WDR70: variants seen among roughly 807,000 people sequenced by gnomAD.
WDR70 encodes the protein WD repeat domain 70, also known as WD repeat-containing protein 70.
Under a neutral mutation model 88.6 loss-of-function variants are expected in WDR70, and 53 were observed. The observed-to-expected ratio is 0.60, with a 90% confidence interval of 0.48 to 0.75. WDR70 has a LOEUF of 0.75. WDR70 is among the 30% of genes least tolerant of loss of function. WDR70 has a pLI of 0.00. For missense variants in WDR70, 610 were observed against 823.2 expected (o/e 0.74, Z 3.17); for synonymous variants, 280 against 270.0 (o/e 1.04, Z -0.36).
intron 17 of WDR70, among the ~76,000 whole-genome samples, chr5:37,734,788 G>A (rs1294231590): frequency 6.6e-6 from 1 of 152,038 alleles, no homozygotes; most frequent in Non-Finnish European, 1.5e-5. Context: ...GGCCTTTACT[G>A]AATTCCTTCA....
chr5:37,671,983 T>C (rs1182062027), intron 10 of WDR70, among the ~76,000 whole-genome samples: 3 of 152,178 alleles, frequency 2.0e-5, no homozygotes, highest in Non-Finnish European at 4.4e-5. Context: ...ATTTGAACAA[T>C]TGTTTTGCCT....
chr5:37,563,682 C>G (rs866481319), intron 9 of WDR70, among the ~76,000 whole-genome samples: 2 of 103,222 alleles, frequency 1.9e-5, no homozygotes, highest in Non-Finnish European at 4.3e-5. Flanking sequence ...CCCTCCCGGA[C>G]GGGGCGGCTG....
chr5:37,394,894 A>G (rs1748961730), intron 4 of WDR70, among the ~76,000 whole-genome samples: 1 of 152,228 alleles, frequency 6.6e-6, no homozygotes, highest in Admixed American at 6.6e-5. Flanking sequence ...ACCTCTGTTT[A>G]AGGGTAACCT....
intron 9 of WDR70, among the ~76,000 whole-genome samples, chr5:37,550,593 CTT>C (rs1241737296): frequency 6.6e-6 from 1 of 152,116 alleles, no homozygotes; most frequent in Non-Finnish European, 1.5e-5. Flanking sequence ...CATGGAATAT[CTT>C]TTTGCACCCC....
Position 37,528,231 on chromosome 5 carries a change from A to C in WDR70, c.917+11641A>C, listed in dbSNP as rs201194404. 8.5e-5 allele frequency among the ~76,000 whole-genome samples: 13 copies of C among 152,334 alleles called. No individual in the cohort carries two copies. The East Asian group carries it at 2.5e-3, about 29-fold the overall frequency. On this transcript the variant is annotated intron_variant, in intron 9 of 17. Coordinates refer to ENST00000265107, the MANE Select transcript of WDR70 (RefSeq NM_018034.4). ...ATAGCAAAGACTTGGAACCAACCCA[A>C]ATGTCCATCAATGATAGACTGGATT...
chr5:37,697,492 G>A (rs1160030780), intron 10 of WDR70, among the ~76,000 whole-genome samples, 163 bp from the exon 11 acceptor site: 1 of 152,062 alleles, frequency 6.6e-6, no homozygotes, highest in Admixed American at 6.6e-5. Context: ...AAGCCATTTG[G>A]TTTTTCTTTT....
At chr5:37,614,834 T>G (rs2112493396) in intron 10 of WDR70, among the ~76,000 whole-genome samples, 1 of 152,126 alleles carries the variant, frequency 6.6e-6, no homozygotes, top group African/African-American at 2.4e-5. Flanking sequence ...TCCTCTAACA[T>G]GAAATACAGA....
intron 10 of WDR70, among the ~76,000 whole-genome samples, chr5:37,668,507 C>A (rs1005724405): frequency 1.3e-5 from 2 of 152,162 alleles, no homozygotes; most frequent in Non-Finnish European, 2.9e-5. Context: ...AAGTGATATA[C>A]CAACTGGTCT....
intron 10 of WDR70, among the ~76,000 whole-genome samples, chr5:37,625,392 CTAGT>C (rs1323607384): frequency 6.6e-5 from 10 of 151,960 alleles, no homozygotes; most frequent in Non-Finnish European, 1.5e-4. Context: ...GAGATGTTAT[CTAGT>C]TATAGTTTTG....
intron 10 of WDR70, among the ~76,000 whole-genome samples, chr5:37,690,611 G>A (rs1746763221): frequency 6.6e-6 from 1 of 152,180 alleles, no homozygotes; most frequent in Non-Finnish European, 1.5e-5. Flanking sequence ...GCCAAACTAA[G>A]CTTCATAAGC....
chr5:37,464,286 T>C (rs1261225138), intron 7 of WDR70, among the ~76,000 whole-genome samples: 2 of 152,198 alleles, frequency 1.3e-5, no homozygotes, highest in African/African-American at 4.8e-5. Context: ...GACTTTGGTT[T>C]AGCGCTCTGA....
chr5:37,607,123 G>T (rs922176325), intron 10 of WDR70, among the ~76,000 whole-genome samples: 21 of 151,080 alleles, frequency 1.4e-4, no homozygotes, highest in Non-Finnish European at 2.5e-4. Context: ...TTGTATTTTT[G>T]GTAGAGACGG....
At chr5:37,507,180 T>G (rs998423746) in intron 8 of WDR70, among the ~76,000 whole-genome samples, 31 of 152,236 alleles carry the variant, frequency 2.0e-4, no homozygotes, top group Admixed American at 1.7e-3. Context: ...TTCATGTAAA[T>G]TTTAGAAGCA....
chr5:37,568,760 A>T (rs1350619625), intron 9 of WDR70, among the ~76,000 whole-genome samples: 6 of 152,170 alleles, frequency 3.9e-5, no homozygotes, highest in Admixed American at 6.5e-5. Context: ...GACTTTGATT[A>T]TTTCCCTCCT....
rs557401629 is a variant in WDR70 at position 37,403,144 on chromosome 5, C to T, written c.492+6574C>T. The stretch of plus-strand genomic sequence containing the variant: ...TGTATTTTTAGTAGAGATGGGGTTT[C>T]GCTGTGTTGGCCAGGCTGGTCTTGA... On this transcript the variant is annotated intron_variant, in intron 5 of 17. Transcript: ENST00000265107. Among the ~76,000 whole-genome samples the T allele has an allele frequency of 9.2e-5, 14 of 151,878 alleles. No individual in the cohort carries two copies. The East Asian group carries it at 1.4e-3, about 15-fold the overall frequency.
At chr5:37,402,837 C>T (rs1749237852) in intron 5 of WDR70, among the ~76,000 whole-genome samples, 1 of 151,806 alleles carries the variant, frequency 6.6e-6, no homozygotes, top group Non-Finnish European at 1.5e-5. Flanking sequence ...AGTCACTAAT[C>T]TCTCTTTATG....
chr5:37,592,873 T>C (rs557939670), intron 9 of WDR70, among the ~76,000 whole-genome samples: 1 of 152,338 alleles, frequency 6.6e-6, no homozygotes, highest in African/African-American at 2.4e-5. Flanking sequence ...AGAAAATTTC[T>C]GCCAGTAACG....
At chr5:37,462,171 A>T (rs1389818294) in intron 7 of WDR70, among the ~76,000 whole-genome samples, 1 of 152,064 alleles carries the variant, frequency 6.6e-6, no homozygotes, top group Admixed American at 6.6e-5. Context: ...TAGAAGTCTT[A>T]TATATTTCCT....
chr5:37,416,242 A>G (rs1004917330), intron 5 of WDR70, among the ~76,000 whole-genome samples: 3 of 152,074 alleles, frequency 2.0e-5, no homozygotes. Flanking sequence ...AGTGAACGAG[A>G]CTCCGTCTGC....
Sources: gnomAD v4.1 joint callset for allele counts (sites outside exome capture counted in the v4.1 genomes callset) on GRCh38, gnomAD v4.1.1 for gene constraint, MANE v1.5 for transcripts, NCBI Gene and HGNC (gene_info 2026-07-23, HGNC 2026-07-21) for gene names.